Variants in MORC2 observed in about 807,000 individuals in gnomAD.
MORC2 encodes MORC family CW-type zinc finger 2.
MORC2 carries 30 observed loss-of-function variants against 136.0 expected under a neutral mutation model. The ratio of observed to expected loss-of-function variants is 0.22; its 90% CI spans 0.17 to 0.30. MORC2 has a LOEUF of 0.30. Among genes scored for constraint, MORC2 ranks in the 10% least tolerant of loss-of-function variants. The probability of loss-of-function intolerance (pLI) is 1.00; values close to 1 mark genes in which losing one functional copy is unlikely to be tolerated. For synonymous variants in MORC2, 439 were observed against 487.0 expected, an observed-to-expected ratio of 0.90 and a Z score of 1.30; for missense variants, 922 against 1,333.1, an observed-to-expected ratio of 0.69 and a Z score of 4.80.
intron 3 of MORC2, among the ~76,000 whole-genome samples, chr22:30,952,104 G>C (rs963774151): frequency 2.0e-5 from 3 of 152,140 alleles, no homozygotes; most frequent in Admixed American, 6.6e-5. Flanking sequence ...TCAGAGTCTG[G>C]GGAATCCAAA....
intron 1 of MORC2, among the ~76,000 whole-genome samples, chr22:30,959,113 T>C (rs556949503): frequency 6.6e-6 from 1 of 152,356 alleles, no homozygotes; most frequent in Non-Finnish European, 1.5e-5. Context: ...ATATTGAACT[T>C]TGTTTTTTGT....
chr22:30,933,251 G>C (rs1456693186), intron 21 of MORC2, among the ~76,000 whole-genome samples: 3 of 152,166 alleles, frequency 2.0e-5, no homozygotes, highest in Non-Finnish European at 4.4e-5. Flanking sequence ...GTGACCGCCA[G>C]GAGTGAACAC....
chr22:30,957,562 T>G (rs1489061438), intron 2 of MORC2, among the ~76,000 whole-genome samples: 1 of 152,194 alleles, frequency 6.6e-6, no homozygotes, highest in South Asian at 2.1e-4. Flanking sequence ...ACTGGCAAAA[T>G]GTATACACAA....
chr22:30,958,748 TAATA>T (rs2041002132), intron 1 of MORC2, 54 bp from the exon 2 acceptor site: 1 of 1,398,204 alleles, frequency 7.2e-7, no homozygotes, highest in African/African-American at 1.5e-5. Context: ...TTATAATTCC[TAATA>T]AAAAGCCATG....
chr22:30,951,582 G>A (rs1373564419), intron 3 of MORC2, among the ~76,000 whole-genome samples: 1 of 152,178 alleles, frequency 6.6e-6, no homozygotes, highest in Non-Finnish European at 1.5e-5. Flanking sequence ...ATTTCTAAGA[G>A]GAAAGAGGTC....
chr22:30,947,849 A>C (rs926642640), intron 5 of MORC2, among the ~76,000 whole-genome samples: 3 of 152,194 alleles, frequency 2.0e-5, no homozygotes, highest in African/African-American at 7.2e-5. Context: ...TTAGCCTTTG[A>C]ATAGCAAAAG....
chr22:30,956,857 CA>C, intron 2 of MORC2, 60 bp from the exon 3 acceptor site: 4 of 1,341,842 alleles, frequency 3.0e-6, no homozygotes, highest in Non-Finnish European at 4.2e-6. Flanking sequence ...CATCAAAATG[CA>C]TAGTGATTTG....
Position 30,967,955 on chromosome 22 carries a change from T to G in MORC2, c.-66A>C. 1 of 1,348,612 alleles carries G rather than the reference T, an allele frequency of 7.4e-7. No homozygotes were observed. The highest frequency in any genetic ancestry group is 1.5e-5 in the African/African-American group (1 of 68,904). The allele number at this position is 1,348,612 out of a possible 1,614,324, so 83.5% of individuals were successfully genotyped here. ...AAATATAACCTTATAATGATATCGA[T>G]TTCCCAGGATTCTGTCCAGTAAAGC... On this transcript the variant is annotated 5_prime_UTR_variant, in exon 1 of 26. Coordinates refer to ENST00000397641, the MANE Select transcript of MORC2 (RefSeq NM_001303256.3).
Position 30,938,055 on chromosome 22 carries a change from T to C in MORC2, c.1214+10A>G, listed in dbSNP as rs761569141. 1.2e-6 allele frequency: 2 copies of C among 1,614,056 alleles called. No individual in the cohort carries two copies. The highest frequency in any genetic ancestry group is 1.7e-6 in the Non-Finnish European group (2 of 1,179,986). Reference sequence around the variant, plus strand: ...CCTGGGCTAGACAGCTCTCTGTGGGTAGTACTCACATGCCCCCTTCCAGCT... The same window carrying C: ...CCTGGGCTAGACAGCTCTCTGTGGGCAGTACTCACATGCCCCCTTCCAGCT... On this transcript the variant is annotated intron_variant, in intron 13 of 25. Transcript: ENST00000397641.
intron 5 of MORC2, among the ~76,000 whole-genome samples, chr22:30,948,417 C>T (rs763933973): frequency 6.6e-6 from 1 of 152,204 alleles, no homozygotes; most frequent in African/African-American, 2.4e-5. Context: ...AAAACACATT[C>T]CTAGCCCCTA....
chr22:30,949,363 G>C (rs1291601956), intron 5 of MORC2, among the ~76,000 whole-genome samples: 2 of 152,180 alleles, frequency 1.3e-5, no homozygotes, highest in Non-Finnish European at 2.9e-5. Context: ...ACATGCAGCA[G>C]GTGCTCAGGG....
chr22:30,955,717 G>A (rs1010568000), intron 3 of MORC2, among the ~76,000 whole-genome samples: 4 of 152,094 alleles, frequency 2.6e-5, no homozygotes, highest in African/African-American at 7.2e-5. Flanking sequence ...GTATTTAAAA[G>A]CTGTCTTCCG....
chr22:30,940,745 A>T lies in MORC2; in HGVS notation c.904+13T>A, dbSNP rs1175975277. The T allele has an allele frequency of 1.9e-6, 3 of 1,613,024 alleles. No individual in the cohort carries two copies. In the Admixed American group the frequency reaches 5.0e-5, roughly 27 times the overall value. On this transcript the variant is annotated intron_variant, in intron 10 of 25. Transcript: ENST00000397641. ...GCACACCCCCCCAACTCCTGCACCC[A>T]GAGTGGCATTACCAATCCTTGCTAC...
chr22:30,931,125 T>G (rs74433030), intron 24 of MORC2, among the ~76,000 whole-genome samples: 1,889 of 152,196 alleles, frequency 0.012, 33 homozygotes, highest in African/African-American at 0.042. Flanking sequence ...ACCTTTTACA[T>G]AGGACCTGCC....
At chr22:30,963,400 T>TTTGAGAGA in intron 1 of MORC2, 3 of 810,080 alleles carry the variant, frequency 3.7e-6, no homozygotes, top group Non-Finnish European at 4.5e-6. Flanking sequence ...TTTTTTTTTT[T>TTTGAGAGA]TGAGAGATGG....
intron 24 of MORC2, among the ~76,000 whole-genome samples, chr22:30,929,291 G>A (rs1569186665): frequency 6.6e-6 from 1 of 152,202 alleles, no homozygotes; most frequent in Non-Finnish European, 1.5e-5. Context: ...GGTAACTGTA[G>A]ATTCACATAT....
At position 30,942,243 on chromosome 22, in the gene MORC2, G is replaced by A; in HGVS notation, c.455C>T (p.Ala152Val). 1 of 1,613,046 alleles carries A rather than the reference G, an allele frequency of 6.2e-7. No homozygotes were observed. Among genetic ancestry groups the A allele is most frequent in the Non-Finnish European group, 8.5e-7 (1 of 1,179,996 alleles). Reference protein sequence around the residue: ...EVIVPLPTWNARTREPVTDNV... With the variant: ...EVIVPLPTWNVRTREPVTDNV... ...GTCTGTGACAGGTTCCCGGGTCCGAGCATTCCAGGTGGGCAGTGGGACTAT... is the reference window on the plus strand; with the variant it reads ...GTCTGTGACAGGTTCCCGGGTCCGAACATTCCAGGTGGGCAGTGGGACTAT... The change falls in exon 7 of 26, where the codon GCT (alanine) becomes GTT (valine). Residue 152 changes from alanine (A) to valine (V), a missense_variant. By Grantham distance (64) the Ala-to-Val change is moderately conservative. This residue lies in a region of MORC2 where 261 missense variants were observed against 354.3 expected (regional missense o/e 0.74). Transcript: ENST00000397641.
intron 3 of MORC2, among the ~76,000 whole-genome samples, chr22:30,950,743 T>C (rs576831002): frequency 6.6e-6 from 1 of 152,276 alleles, no homozygotes; most frequent in South Asian, 2.1e-4. Flanking sequence ...CACACATATC[T>C]CAATCATCCT....
chr22:30,946,566 C>G (rs902298217), intron 5 of MORC2, 117 bp from the exon 6 acceptor site: 12 of 786,514 alleles, frequency 1.5e-5, no homozygotes, highest in Middle Eastern at 2.5e-4. Flanking sequence ...TCCTAAAGGC[C>G]CCCCCAGGTC....
Sources: allele counts gnomAD v4.1 joint callset (sites outside exome capture counted in the v4.1 genomes callset), GRCh38; gene constraint gnomAD v4.1.1; regional missense constraint gnomAD v4.1.1; transcripts MANE v1.5; gene names NCBI Gene and HGNC (gene_info 2026-07-23, HGNC 2026-07-21).